Variants in DIXDC1 observed in about 807,000 individuals in gnomAD.
DIXDC1 encodes DIX domain containing 1, also known as dixin.
A neutral mutation model predicts 103.1 loss-of-function variants in DIXDC1; 64 were observed. The ratio of observed to expected loss-of-function variants is 0.62; its 90% CI spans 0.51 to 0.76. The LOEUF (loss-of-function observed/expected upper bound fraction) is 0.76, where lower values mean the gene tolerates loss of function less well. Among genes scored for constraint, DIXDC1 ranks in the 30% least tolerant of loss-of-function variants. DIXDC1 has a pLI of 0.00. For missense variants in DIXDC1, 759 were observed against 834.2 expected (o/e 0.91, Z 1.11); for synonymous variants, 266 against 298.5 (o/e 0.89, Z 1.12).
intron 17 of DIXDC1, among the ~76,000 whole-genome samples, chr11:112,013,505 A>G (rs1166362685): frequency 6.6e-6 from 1 of 152,116 alleles, no homozygotes; most frequent in African/African-American, 2.4e-5. Flanking sequence ...GCACCCTATA[A>G]ACATTTAAAA....
chr11:111,980,174 G>A, intron 5 of DIXDC1, among the ~76,000 whole-genome samples: 1 of 152,112 alleles, frequency 6.6e-6, no homozygotes, highest in African/African-American at 2.4e-5. Context: ...TGCCCAGCCT[G>A]GCAATGTACG....
intron 2 of DIXDC1, among the ~76,000 whole-genome samples, chr11:111,966,231 T>C (rs1859725876): frequency 2.1e-5 from 3 of 144,862 alleles, no homozygotes; most frequent in Admixed American, 2.1e-4. Context: ...TTTTTTCCTT[T>C]TTTTTTTTTT....
intron 17 of DIXDC1, among the ~76,000 whole-genome samples, chr11:112,002,579 T>C (rs1861103649): frequency 6.6e-6 from 1 of 152,098 alleles, no homozygotes; most frequent in South Asian, 2.1e-4. Flanking sequence ...TCGCTTGAGC[T>C]CAGGAGTTCG....
chr11:111,962,167 A>G (rs149887168), intron 1 of DIXDC1, among the ~76,000 whole-genome samples: 389 of 152,210 alleles, frequency 2.6e-3, no homozygotes, highest in African/African-American at 8.8e-3. Flanking sequence ...GAAAAAAGTG[A>G]TACTTGAGCT....
intron 14 of DIXDC1, among the ~76,000 whole-genome samples, chr11:111,994,036 C>G (rs782488860): frequency 2.6e-5 from 4 of 152,158 alleles, no homozygotes; most frequent in African/African-American, 7.2e-5. Flanking sequence ...AGATAATCCA[C>G]ATAAATAACT....
chr11:111,997,645 A>G (rs1196009526), intron 17 of DIXDC1, among the ~76,000 whole-genome samples: 9 of 152,172 alleles, frequency 5.9e-5, no homozygotes, highest in Admixed American at 3.3e-4. Flanking sequence ...TTATTATTTT[A>G]TTCATTGATT....
Position 111,974,221 on chromosome 11 carries a change from G to A in DIXDC1, c.515G>A (p.Arg172Gln), listed in dbSNP as rs1027236169. 1 of 1,613,740 alleles carries A rather than the reference G, an allele frequency of 6.2e-7. No homozygotes were observed. Among genetic ancestry groups the A allele is most frequent in the Non-Finnish European group, 8.5e-7 (1 of 1,179,824 alleles). Residue 172 changes from arginine to glutamine, a missense_variant, in exon 4 of 20, where the codon CGA becomes CAA. By Grantham distance (43) the Arg-to-Gln change is conservative. This residue lies in a region of DIXDC1 where 657 missense variants were observed against 727.5 expected (regional missense o/e 0.90). Transcript: ENST00000440460. ...GCCGATGTGTGTCATGACATGTCCC[G>A]ATCAGGACGGGATGTCTTTCGATAT... The part of the protein sequence containing the change: ...ALADVCHDMS[R>Q]SGRDVFRYRQ...
chr11:111,972,010 G>C (rs1389371250), intron 3 of DIXDC1, among the ~76,000 whole-genome samples: 5 of 152,060 alleles, frequency 3.3e-5, no homozygotes, highest in Non-Finnish European at 7.3e-5. Context: ...CAAACTACCT[G>C]TTGGGTACTG....
At chr11:111,937,627 G>T (rs1372374555) in intron 1 of DIXDC1, 68 bp downstream of exon 1, 1 of 1,490,984 alleles carries the variant, frequency 6.7e-7, no homozygotes. Flanking sequence ...TCTCCGGAAG[G>T]GGTCCTCCTC....
chr11:111,962,209 C>T (rs923708622), intron 1 of DIXDC1, among the ~76,000 whole-genome samples: 3 of 152,068 alleles, frequency 2.0e-5, no homozygotes, highest in Admixed American at 1.3e-4. Flanking sequence ...TGGCCGGGTG[C>T]GGTGGCTCAT....
chr11:111,961,676 G>A (rs1592568397), intron 1 of DIXDC1, among the ~76,000 whole-genome samples: 1 of 152,120 alleles, frequency 6.6e-6, no homozygotes. Context: ...AAAAAGCTAA[G>A]GTTACTTAAG....
upstream of DIXDC1, among the ~76,000 whole-genome samples, chr11:111,932,545 C>T (rs1555167768): frequency 6.7e-6 from 1 of 149,570 alleles, no homozygotes; most frequent in African/African-American, 2.5e-5. Flanking sequence ...GAGATCGCTC[C>T]ACTGCACTCC....
chr11:111,955,987 T>TACACACACACACACACACAC (rs71461600), intron 1 of DIXDC1, among the ~76,000 whole-genome samples: 26 of 142,624 alleles, frequency 1.8e-4, no homozygotes, highest in African/African-American at 5.7e-4. Context: ...TATATATGTG[T>TACACACACACACACACACAC]ACACACACAC....
rs1555175216 is a variant in DIXDC1, at chr11:111,995,389, A to G, written c.1528-14A>G. The G allele has an allele frequency of 8.1e-6, 13 of 1,609,668 alleles. No individual in the cohort carries two copies. The highest frequency in any genetic ancestry group is 2.2e-5 in the East Asian group (1 of 44,884). On this transcript the variant is annotated splice_polypyrimidine_tract_variant and intron_variant, in intron 15 of 19. Transcript: ENST00000440460. ...CACCGTGCCATGCCAGCAACACCTT[A>G]TTTTTGCCCACAGACCAGCGACCTG...
intron 2 of DIXDC1, among the ~76,000 whole-genome samples, chr11:111,968,093 C>A (rs1320678070): frequency 6.6e-6 from 1 of 152,238 alleles, no homozygotes; most frequent in South Asian, 2.1e-4. Flanking sequence ...TCCTCAAGCA[C>A]TTATCGCTAC....
chr11:111,959,796 G>A (rs1859511412), intron 1 of DIXDC1, among the ~76,000 whole-genome samples: 1 of 152,184 alleles, frequency 6.6e-6, no homozygotes, highest in Non-Finnish European at 1.5e-5. Flanking sequence ...GTCTAAGATT[G>A]TTTCAGAATG....
At chr11:111,968,394 A>G in intron 2 of DIXDC1, 119 bp from the exon 3 acceptor site, 1 of 1,063,438 alleles carries the variant, frequency 9.4e-7, no homozygotes, top group South Asian at 1.7e-5. Flanking sequence ...TAACTCATTT[A>G]TATATTTATG....
intron 17 of DIXDC1, among the ~76,000 whole-genome samples, chr11:112,008,995 TA>T (rs1566575441): frequency 6.6e-6 from 1 of 151,990 alleles, no homozygotes; most frequent in Admixed American, 6.6e-5. Flanking sequence ...AAGAAACCTT[TA>T]AAAAAATCAA....
At chr11:111,929,878 T>G (rs1965957540) in exon 2 of DIXDC1, 8 of 1,536,094 alleles carry the variant, frequency 5.2e-6, no homozygotes, top group Non-Finnish European at 7.0e-6. Context: ...GGTTATGAGA[T>G]TCAATAACTC....
Sources: allele counts gnomAD v4.1 joint callset (sites outside exome capture counted in the v4.1 genomes callset), GRCh38; gene constraint gnomAD v4.1.1; regional missense constraint gnomAD v4.1.1; transcripts MANE v1.5; gene names NCBI Gene and HGNC (gene_info 2026-07-23, HGNC 2026-07-21).